The following NRCAM variants were observed in gnomAD, a reference collection of about 807,000 sequenced individuals.
NRCAM encodes the protein neuronal cell adhesion molecule.
In NRCAM, 83 loss-of-function variants were observed where a neutral mutation model predicts 156.5. The ratio of observed to expected loss-of-function variants is 0.53; its 90% CI spans 0.44 to 0.64. The LOEUF (loss-of-function observed/expected upper bound fraction) is 0.64. Among genes scored for constraint, NRCAM ranks in the 30% least tolerant of loss-of-function variants. NRCAM has a pLI of 0.00. For synonymous variants in NRCAM, 538 were observed against 563.9 expected (o/e 0.95, Z 0.65); for missense variants, 1,417 against 1,597.3 (o/e 0.89, Z 1.92).
chr7:108,369,174 T>C (rs995823905), intron 2 of NRCAM, among the ~76,000 whole-genome samples: 1 of 152,116 alleles, frequency 6.6e-6, no homozygotes, highest in Non-Finnish European at 1.5e-5. Context: ...TTTCAGAATA[T>C]TCAAACAAGC....
intron 2 of NRCAM, among the ~76,000 whole-genome samples, chr7:108,335,862 T>C (rs1047758774): frequency 1.3e-5 from 2 of 152,144 alleles, no homozygotes; most frequent in Non-Finnish European, 2.9e-5. Flanking sequence ...TTTTTTCCCC[T>C]CTATTTCTAT....
intron 7 of NRCAM, among the ~76,000 whole-genome samples, chr7:108,232,029 C>T (rs545637684): frequency 1.4e-4 from 22 of 152,026 alleles, no homozygotes; most frequent in South Asian, 1.2e-3. Flanking sequence ...TTCACTTTCA[C>T]AGGAGATACA....
intron 3 of NRCAM, among the ~76,000 whole-genome samples, chr7:108,255,114 G>A (rs914435796): frequency 2.6e-5 from 4 of 152,096 alleles, no homozygotes; most frequent in Admixed American, 1.3e-4. Flanking sequence ...ACAACATGCG[G>A]CATGGATGAA....
At chr7:108,408,550 T>A (rs138578027) in intron 1 of NRCAM, among the ~76,000 whole-genome samples, 20 of 152,350 alleles carry the variant, frequency 1.3e-4, no homozygotes, top group African/African-American at 4.6e-4. Context: ...CCTCCTGACA[T>A]ATGAGGTTCT....
In NRCAM at chr7:108,180,302, G is replaced by T; in HGVS notation, c.2772C>A (p.Tyr924Ter). The change falls in exon 25 of 33, where the codon TAC (tyrosine) becomes TAA (stop). Residue 924 changes from tyrosine to a stop codon, truncating the protein, a stop_gained. Transcript: ENST00000379028. LOFTEE classifies it high-confidence loss of function. Reference protein sequence around the residue: ...MLPGLEPFSHYTLNVRVVNGK... With the variant: ...MLPGLEPFSH ...CATTGACCACTCGGACATTCAGTGT[G>T]TAGTGGCTAAAGGGCTCTAGCCCCG... The T allele has an allele frequency of 1.2e-6, 2 of 1,614,220 alleles. No homozygotes were observed. Among genetic ancestry groups the T allele is most frequent in the Non-Finnish European group, 1.7e-6 (2 of 1,180,034 alleles).
chr7:108,435,675 A>G (rs1244003818), intron 1 of NRCAM, among the ~76,000 whole-genome samples: 2 of 152,184 alleles, frequency 1.3e-5, no homozygotes, highest in Non-Finnish European at 2.9e-5. Context: ...TGATGAAGTA[A>G]TCGGTACAAC....
intron 1 of NRCAM, among the ~76,000 whole-genome samples, chr7:108,434,378 C>G (rs1294443083): frequency 6.6e-6 from 1 of 152,146 alleles, no homozygotes; most frequent in Non-Finnish European, 1.5e-5. Flanking sequence ...AAACAAAAAA[C>G]TAGTGGATCA....
chr7:108,361,792 T>C (rs962377291), intron 2 of NRCAM, among the ~76,000 whole-genome samples: 6 of 152,238 alleles, frequency 3.9e-5, no homozygotes, highest in Admixed American at 3.9e-4. Context: ...TATATATGTA[T>C]ATGTGGAAAT....
intron 1 of NRCAM, among the ~76,000 whole-genome samples, chr7:108,425,230 A>C (rs1237401798): frequency 1.3e-5 from 2 of 152,240 alleles, no homozygotes; most frequent in African/African-American, 2.4e-5. Flanking sequence ...ATATGATGGT[A>C]ATGGAAGAGA....
rs112121877 is a variant in NRCAM, at chr7:108,151,346, G to T, written c.3678-1199C>A. 6.0e-3 allele frequency among the ~76,000 whole-genome samples: 913 copies of T among 151,846 alleles called. 7 individuals carry two copies. Among genetic ancestry groups the T allele is most frequent in the African/African-American group, 0.021 (861 of 41,454 alleles). On this transcript the variant is annotated intron_variant, in intron 32 of 32. Transcript: ENST00000379028. ...AATGAAAAAGCCTTAACATACAAAA[G>T]GTATCACTGGCTGCAGTATTTAATC...
chr7:108,161,996 A>G (rs895478410), intron 30 of NRCAM, among the ~76,000 whole-genome samples: 1 of 152,238 alleles, frequency 6.6e-6, no homozygotes, highest in Non-Finnish European at 1.5e-5. Context: ...GAAGATGAGG[A>G]CAATGGTAAT....
At chr7:108,282,522 A>T (rs1325203740) in intron 3 of NRCAM, among the ~76,000 whole-genome samples, 1 of 152,216 alleles carries the variant, frequency 6.6e-6, no homozygotes, top group Non-Finnish European at 1.5e-5. Context: ...ATGTTAATGT[A>T]CCTCAAAATT....
chr7:108,190,754 G>A (rs1460923490), intron 19 of NRCAM, among the ~76,000 whole-genome samples: 1 of 152,108 alleles, frequency 6.6e-6, no homozygotes, highest in African/African-American at 2.4e-5. Context: ...GTTAACACAT[G>A]GTGAGTCGGT....
At chr7:108,299,948 G>A (rs375554924) in intron 3 of NRCAM, among the ~76,000 whole-genome samples, 6 of 152,136 alleles carry the variant, frequency 3.9e-5, no homozygotes, top group East Asian at 1.9e-4. Flanking sequence ...TCTATAAAAT[G>A]AGTATAAATA....
Position 108,212,694 on chromosome 7 carries a change from T to A in NRCAM, c.891-3089A>T, listed in dbSNP as rs192415399. ...CTTTCAATGAACCCAATCCAACAAA[T>A]ACAAAGAGAAAAGAATAGGAAAATA... On this transcript the variant is annotated intron_variant, in intron 11 of 32. Transcript: ENST00000379028. Among the ~76,000 whole-genome samples the A allele has an allele frequency of 1.4e-4, 22 of 151,856 alleles. No homozygotes were observed. The East Asian group carries it at 4.3e-3, about 29-fold the overall frequency.
chr7:108,206,959 C>T (rs181647375), intron 13 of NRCAM, among the ~76,000 whole-genome samples: 57 of 152,228 alleles, frequency 3.7e-4, no homozygotes, highest in African/African-American at 1.3e-3. Context: ...GGAGGGAGCA[C>T]TAGTCAAAGG....
intron 1 of NRCAM, among the ~76,000 whole-genome samples, chr7:108,424,687 T>C (rs1422855473): frequency 6.6e-6 from 1 of 152,204 alleles, no homozygotes; most frequent in African/African-American, 2.4e-5. Context: ...TGAAATTGAA[T>C]AATATATTCT....
chr7:108,183,255 A>T (rs2064525864), intron 22 of NRCAM, among the ~76,000 whole-genome samples: 1 of 151,730 alleles, frequency 6.6e-6, no homozygotes, highest in Non-Finnish European at 1.5e-5. Context: ...TGTTTGTGCA[A>T]TAGTACATCA....
At chr7:108,276,569 T>G (rs1211921972) in intron 3 of NRCAM, among the ~76,000 whole-genome samples, 3 of 151,348 alleles carry the variant, frequency 2.0e-5, no homozygotes, top group Non-Finnish European at 4.4e-5. Context: ...TGCTTTTTTT[T>G]TTTGCTTCCG....
Sources: gnomAD v4.1 joint callset for allele counts (sites outside exome capture counted in the v4.1 genomes callset) on GRCh38, gnomAD v4.1.1 for gene constraint, MANE v1.5 for transcripts, NCBI Gene and HGNC (gene_info 2026-07-23, HGNC 2026-07-21) for gene names.